Variants in MYL4 observed in about 807,000 individuals in gnomAD.
MYL4 encodes the protein myosin light chain 4.
MYL4 carries 16 observed loss-of-function variants against 21.6 expected under a neutral mutation model. The observed-to-expected ratio is 0.74, with a 90% CI of 0.50 to 1.12. The LOEUF (loss-of-function observed/expected upper bound fraction) is 1.12. MYL4 is among the 50% of genes most tolerant of loss of function. The pLI is 0.00. For missense variants in MYL4, 249 were observed against 252.9 expected (o/e 0.98, Z 0.11); for synonymous variants, 82 against 95.7 (o/e 0.86, Z 0.83).
chr17:47,190,166 TC>T, the MYL4 span, among the ~76,000 whole-genome samples: 1 of 152,182 alleles, frequency 6.6e-6, no homozygotes, highest in Non-Finnish European at 1.5e-5. Flanking sequence ...GGTGAGGCAT[TC>T]CGCTGTGGTG....
At chr17:47,215,312 T>C (rs1205255958) in intron 2 of MYL4, among the ~76,000 whole-genome samples, 2 of 152,236 alleles carry the variant, frequency 1.3e-5, no homozygotes, top group Non-Finnish European at 2.9e-5. Flanking sequence ...ATTTCCCAAA[T>C]GGCCAACTGG....
upstream of MYL4, among the ~76,000 whole-genome samples, chr17:47,199,766 GTC>G (rs954358095): frequency 6.3e-5 from 9 of 142,774 alleles, no homozygotes; most frequent in Admixed American, 5.6e-4. Flanking sequence ...TTGAGACAGG[GTC>G]TCTGTCACTC....
upstream of MYL4, among the ~76,000 whole-genome samples, chr17:47,207,421 A>G (rs9894365): frequency 0.41 from 62,331 of 151,970 alleles, 13,197 homozygotes; most frequent in East Asian, 0.67. Context: ...GTAAAACAGC[A>G]TGGGGCCAGA....
chr17:47,195,186 GT>G, the MYL4 span, among the ~76,000 whole-genome samples: 1 of 139,884 alleles, frequency 7.1e-6, no homozygotes, highest in African/African-American at 2.7e-5. Context: ...AGGCTCCTAA[GT>G]AAGTAGCTGG....
intron 1 of MYL4, among the ~76,000 whole-genome samples, chr17:47,203,950 T>A (rs1160492307): frequency 1.3e-5 from 2 of 152,236 alleles, no homozygotes; most frequent in Non-Finnish European, 2.9e-5. Context: ...AGTACAGGCA[T>A]GAGCCACCGT....
intron 5 of MYL4, 48 bp downstream of exon 5, chr17:47,222,505 G>A: frequency 6.3e-7 from 1 of 1,594,084 alleles, no homozygotes; most frequent in Non-Finnish European, 8.6e-7. Context: ...ATGGTAGGAT[G>A]GGAACAGCTT....
At chr17:47,207,411 G>A (rs1197568505), upstream of MYL4, among the ~76,000 whole-genome samples, 2 of 152,194 alleles carry the variant, frequency 1.3e-5, no homozygotes, top group African/African-American at 2.4e-5. Flanking sequence ...TTCCTTGCCT[G>A]TAAAACAGCA....
At chr17:47,196,131 A>G (rs1047483755), upstream of MYL4, among the ~76,000 whole-genome samples, 2 of 152,172 alleles carry the variant, frequency 1.3e-5, no homozygotes, top group African/African-American at 4.8e-5. Context: ...GGTCTCTAAG[A>G]AAGTGATTAA....
upstream of MYL4, chr17:47,208,902 G>C (rs1200596163): frequency 6.1e-6 from 1 of 164,000 alleles, no homozygotes; most frequent in African/African-American, 2.4e-5. Flanking sequence ...GGAGAGTTGG[G>C]CCTCTAGGCA....
chr17:47,222,938 T>G, intron 5 of MYL4, 76 bp from the exon 6 acceptor site: 1 of 1,555,208 alleles, frequency 6.4e-7, no homozygotes, highest in Non-Finnish European at 8.9e-7. Flanking sequence ...AGTCAGGCAG[T>G]GTAGAGAAGG....
intron 2 of MYL4, among the ~76,000 whole-genome samples, chr17:47,218,334 T>G (rs1212447994): frequency 6.6e-6 from 1 of 152,248 alleles, no homozygotes; most frequent in Non-Finnish European, 1.5e-5. Flanking sequence ...TTGGAAAGGA[T>G]GAAAACTGGC....
At position 47,223,015 on chromosome 17, in the gene MYL4, C is replaced by T. The variant is rs777538559; in HGVS notation, c.567C>T (p.Ala189=). Residue 189 remains alanine (A), a splice_region_variant and synonymous_variant, in exon 6 of 7, where the codon GCC becomes GCT. Transcript: ENST00000393450. ...GGCTGATTTTCACTTTTTTCCTAGC[C>T]TTTGTCAAGCACATCATGTCAGGGT... ...EDANGCINYE[A]FVKHIMSG 5 of 1,614,024 alleles carry T rather than the reference C, an allele frequency of 3.1e-6. No individual in the cohort carries two copies. The highest frequency in any genetic ancestry group is 1.3e-5 in the African/African-American group (1 of 74,908).
chr17:47,220,069 T>TGG lies in MYL4; in HGVS notation c.313+17_313+18dup. ...AAGCCTGAAGGTCAGTGCGGCTGCATGGCAGACCTCTCCCAGGGTCAGGCT... is the reference window on the plus strand; with the variant it reads ...AAGCCTGAAGGTCAGTGCGGCTGCATGGGGCAGACCTCTCCCAGGGTCAGGCT... On this transcript the variant is annotated intron_variant, in intron 3 of 6. Coordinates refer to ENST00000393450, the MANE Select transcript of MYL4 (RefSeq NM_002476.2). 1 of 1,600,198 alleles carries TGG rather than the reference T, an allele frequency of 6.2e-7. No homozygotes were observed. The highest frequency in any genetic ancestry group is 1.7e-4 in the Middle Eastern group (1 of 5,948).
intron 1 of MYL4, 175 bp downstream of exon 1, chr17:47,209,732 G>T: frequency 1.1e-6 from 1 of 901,644 alleles, no homozygotes; most frequent in Non-Finnish European, 1.8e-6. Flanking sequence ...ATGAGGGGGA[G>T]ATTGAGTCAT....
At chr17:47,192,404 C>T in the MYL4 span, among the ~76,000 whole-genome samples, 26 of 151,566 alleles carry the variant, frequency 1.7e-4, no homozygotes, top group Middle Eastern at 3.4e-3. Context: ...AATCCCAGCA[C>T]TTTAGGAGGC....
chr17:47,194,789 C>T, the MYL4 span, among the ~76,000 whole-genome samples: 1 of 151,912 alleles, frequency 6.6e-6, no homozygotes, highest in Non-Finnish European at 1.5e-5. Context: ...GACAGGGTCT[C>T]TGTGTTCCAC....
In MYL4 at chr17:47,209,366, C is replaced by T. The variant is rs574540052; in HGVS notation, c.-57C>T. 333 of 1,612,386 alleles carry T rather than the reference C, an allele frequency of 2.1e-4. 1 individual carries two copies. The South Asian group carries it at 2.3e-3, about 11-fold the overall frequency. ...GGCTCCTATCTCATCTCCCAGACGCCACGTCTCTCGGTTTCTTCTTAGATC... is the reference window on the plus strand; with the variant it reads ...GGCTCCTATCTCATCTCCCAGACGCTACGTCTCTCGGTTTCTTCTTAGATC... On this transcript the variant is annotated 5_prime_UTR_variant, in exon 1 of 7. Transcript: ENST00000393450.
chr17:47,212,364 G>A (rs994511612), intron 1 of MYL4, among the ~76,000 whole-genome samples: 4 of 152,208 alleles, frequency 2.6e-5, no homozygotes, highest in Non-Finnish European at 5.9e-5. Flanking sequence ...ATGTTTTTCA[G>A]TGCCTACTAT....
rs111876061 is a variant in MYL4, at chr17:47,209,369, G to A, written c.-54G>A. On this transcript the variant is annotated 5_prime_UTR_variant, in exon 1 of 7. Coordinates refer to ENST00000393450, the MANE Select transcript of MYL4 (RefSeq NM_002476.2). The stretch of plus-strand genomic sequence containing the variant: ...TCCTATCTCATCTCCCAGACGCCAC[G>A]TCTCTCGGTTTCTTCTTAGATCACT... The A allele has an allele frequency of 1.2e-3, 1,978 of 1,612,852 alleles. 32 individuals are homozygous for A. The African/African-American group carries it at 0.024, about 19-fold the overall frequency.
Sources: gnomAD v4.1 joint callset for allele counts (sites outside exome capture counted in the v4.1 genomes callset) on GRCh38, gnomAD v4.1.1 for gene constraint, MANE v1.5 for transcripts, NCBI Gene and HGNC (gene_info 2026-07-23, HGNC 2026-07-21) for gene names.